The following MTMR10 variants were observed in gnomAD, a reference collection of about 807,000 sequenced individuals.
MTMR10 encodes the protein myotubularin related protein 10, also known as myotubularin-related protein 10.
MTMR10 carries 56 observed loss-of-function variants against 88.1 expected under a neutral mutation model. The ratio of observed to expected loss-of-function variants is 0.64; its 90% CI spans 0.51 to 0.79. MTMR10 has a LOEUF of 0.79. MTMR10 is among the 30% of genes least tolerant of loss of function. MTMR10 has a pLI of 0.00. For synonymous variants in MTMR10, 380 were observed against 340.9 expected, an observed-to-expected ratio of 1.11 and a Z score of -1.26; for missense variants, 883 against 924.7, an observed-to-expected ratio of 0.95 and a Z score of 0.58.
At chr15:30,928,767 C>A in the MTMR10 span, 1 of 1,550,410 alleles carries the variant, frequency 6.4e-7, no homozygotes, top group Non-Finnish European at 8.7e-7. Flanking sequence ...TGTTACGGTC[C>A]TTTGGGTCAT....
chr15:30,969,726 T>C (rs1319743807), intron 5 of MTMR10, among the ~76,000 whole-genome samples: 2 of 152,172 alleles, frequency 1.3e-5, no homozygotes, highest in East Asian at 3.8e-4. Flanking sequence ...AATCTCCTCA[T>C]TCTTGATTCT....
At chr15:30,962,263 C>G (rs1202090979) in intron 6 of MTMR10, among the ~76,000 whole-genome samples, 1 of 152,170 alleles carries the variant, frequency 6.6e-6, no homozygotes, top group Admixed American at 6.5e-5. Flanking sequence ...ACAAGCTGTC[C>G]CACAAAGTCA....
At chr15:30,967,112 G>T (rs1354374898) in intron 6 of MTMR10, among the ~76,000 whole-genome samples, 2 of 151,896 alleles carry the variant, frequency 1.3e-5, no homozygotes, top group Non-Finnish European at 2.9e-5. Flanking sequence ...CTGGGTGAAT[G>T]GATTTTTCAT....
chr15:30,989,321 T>C (rs1371447564), intron 2 of MTMR10, among the ~76,000 whole-genome samples: 3 of 152,182 alleles, frequency 2.0e-5, no homozygotes, highest in Admixed American at 1.3e-4. Context: ...GTACACACTG[T>C]TGAGTGAAAA....
chr15:30,941,712 G>A lies in MTMR10; in HGVS notation c.2092C>T (p.Gln698Ter), dbSNP rs1202770640. 3 of 1,613,928 alleles carry A rather than the reference G, an allele frequency of 1.9e-6. No individual in the cohort carries two copies. Among genetic ancestry groups the A allele is most frequent in the Non-Finnish European group, 2.5e-6 (3 of 1,179,858 alleles). ...EVDVLSRMLR[Q>*]QRSGPLEACY... is the part of the protein sequence containing the mutation. Reference sequence around the variant, plus strand: ...GCCTCCAGGGGGCCACTGCGCTGTTGCCGCAGCATCCTGCTCAGTACGTCG... The same window carrying A: ...GCCTCCAGGGGGCCACTGCGCTGTTACCGCAGCATCCTGCTCAGTACGTCG... The change falls in exon 16 of 16, where the codon CAA (glutamine) becomes TAA (stop). Residue 698 changes from glutamine (Q) to a stop codon, truncating the protein, a stop_gained. Transcript: ENST00000435680. LOFTEE classifies it high-confidence loss of function.
In MTMR10 at chr15:30,974,319, T is replaced by TAAA. The variant is rs1266028952; in HGVS notation, c.468_469insTTT (p.Ala156_Lys157insPhe). Reference sequence around the variant, plus strand: ...ATAAACCTTAACAGTATTACCTTTTTAGCACTTTCGGGACCTGATTCATCA... The same window carrying TAAA: ...ATAAACCTTAACAGTATTACCTTTTTAAAAGCACTTTCGGGACCTGATTCATCA... On this transcript the variant is annotated inframe_insertion, in exon 5 of 16. Transcript: ENST00000435680. The TAAA allele has an allele frequency of 1.3e-6, 2 of 1,597,974 alleles. No homozygotes were observed. The highest frequency in any genetic ancestry group is 3.4e-5 in the Admixed American group (2 of 58,618).
intron 2 of MTMR10, among the ~76,000 whole-genome samples, chr15:30,988,771 C>CT (rs2094153531): frequency 6.6e-6 from 1 of 152,002 alleles, no homozygotes; most frequent in African/African-American, 2.4e-5. Flanking sequence ...GGCGGATCAC[C>CT]TGAGGGCAGG....
the MTMR10 span, among the ~76,000 whole-genome samples, chr15:30,931,247 G>A: frequency 6.6e-5 from 10 of 152,062 alleles, no homozygotes; most frequent in African/African-American, 4.8e-5. Flanking sequence ...TTCCTTGAAC[G>A]CTGTCCACTA....
At chr15:30,925,154 G>T in the MTMR10 span, 1 of 1,613,908 alleles carries the variant, frequency 6.2e-7, no homozygotes, top group African/African-American at 1.3e-5. Flanking sequence ...AGAGGGGCTG[G>T]CGGATCCGGA....
the MTMR10 span, among the ~76,000 whole-genome samples, chr15:30,923,093 G>A: frequency 6.6e-6 from 1 of 152,234 alleles, no homozygotes; most frequent in Non-Finnish European, 1.5e-5. Flanking sequence ...GATTTTTTCA[G>A]TGGCCCATTA....
chr15:30,957,777 G>A (rs775181404), intron 9 of MTMR10, among the ~76,000 whole-genome samples: 1 of 152,220 alleles, frequency 6.6e-6, no homozygotes, highest in Non-Finnish European at 1.5e-5. Flanking sequence ...AAAGAAGGCA[G>A]TCCAGAAGGG....
intron 2 of MTMR10, among the ~76,000 whole-genome samples, chr15:30,989,832 G>C (rs989125367): frequency 2.6e-5 from 4 of 151,994 alleles, no homozygotes; most frequent in East Asian, 1.9e-4. Flanking sequence ...TGATCCACCC[G>C]CCTCGGCCTC....
chr15:30,968,417 A>C (rs183665081), intron 5 of MTMR10, among the ~76,000 whole-genome samples: 12 of 152,270 alleles, frequency 7.9e-5, no homozygotes, highest in Non-Finnish European at 1.5e-5. Flanking sequence ...ATGAAACTTT[A>C]AAGTTTACGC....
intron 2 of MTMR10, 67 bp downstream of exon 2, chr15:30,990,710 T>C (rs768347329): frequency 3.8e-5 from 51 of 1,330,116 alleles, no homozygotes; most frequent in Non-Finnish European, 5.2e-5. Context: ...ATGATACTAG[T>C]CGGCAGAATA....
chr15:30,978,557 G>A (rs2030327352), intron 2 of MTMR10, among the ~76,000 whole-genome samples: 1 of 152,212 alleles, frequency 6.6e-6, no homozygotes, highest in Non-Finnish European at 1.5e-5. Context: ...AAGAGTCACA[G>A]AACTGCCACT....
At chr15:30,968,506 G>T (rs1417740616) in intron 5 of MTMR10, among the ~76,000 whole-genome samples, 1 of 149,408 alleles carries the variant, frequency 6.7e-6, no homozygotes, top group Admixed American at 6.7e-5. Flanking sequence ...AAATGCATGG[G>T]TGGCTCAAAG....
chr15:30,942,150 T>C lies in MTMR10; in HGVS notation c.1732-78A>G, dbSNP rs534738464. 1.1e-5 allele frequency: 16 copies of C among 1,446,178 alleles called. No individual in the cohort carries two copies. The South Asian group carries it at 2.2e-4, about 20-fold the overall frequency. The allele number at this position is 1,446,178 out of a possible 1,614,324, so 89.6% of individuals were successfully genotyped here. On this transcript the variant is annotated intron_variant, in intron 15 of 15. Transcript: ENST00000435680. ...GAAGGATGCAATGGCAAATATAAAC[T>C]CAATACTATGAAAAATTAATGGAAT... is the stretch of plus-strand genomic sequence containing the variant.
downstream of MTMR10, among the ~76,000 whole-genome samples, chr15:30,938,408 T>C (rs34017474): frequency 0.34 from 52,151 of 151,950 alleles, 9,324 homozygotes; most frequent in Non-Finnish European, 0.39. Context: ...ATGTAAATGC[T>C]TGTTCTACTG....
At chr15:30,943,217 A>T in intron 14 of MTMR10, 145 bp from the exon 15 acceptor site, 1 of 1,402,532 alleles carries the variant, frequency 7.1e-7, no homozygotes, top group Non-Finnish European at 9.2e-7. Context: ...TCACTTCAAG[A>T]GAGGAGACGC....
Sources: gnomAD v4.1 joint callset for allele counts (sites outside exome capture counted in the v4.1 genomes callset) on GRCh38, gnomAD v4.1.1 for gene constraint, MANE v1.5 for transcripts, NCBI Gene and HGNC (gene_info 2026-07-23, HGNC 2026-07-21) for gene names.